The following ADAMTS16 variants were observed in gnomAD, a reference collection of about 807,000 sequenced individuals.
ADAMTS16 encodes the protein ADAM metallopeptidase with thrombospondin type 1 motif 16, also known as A disintegrin and metalloproteinase with thrombospondin motifs 16.
A neutral mutation model predicts 145.8 loss-of-function variants in ADAMTS16; 94 were observed. That is an observed-to-expected ratio of 0.64 (90% CI 0.55 to 0.77). The LOEUF (loss-of-function observed/expected upper bound fraction) is 0.77. ADAMTS16 is among the 30% of genes least tolerant of loss of function. ADAMTS16 has a pLI of 0.00. For missense variants in ADAMTS16, 1,585 were observed against 1,591.5 expected, an observed-to-expected ratio of 1.00 and a Z score of 0.07; for synonymous variants, 659 against 604.3, an observed-to-expected ratio of 1.09 and a Z score of -1.33.
At position 5,310,900 on chromosome 5, in the gene ADAMTS16, T is replaced by G. The variant is rs554789099; in HGVS notation, c.3411+4172T>G. Among the ~76,000 whole-genome samples, 3 of 152,346 alleles carry G rather than the reference T, an allele frequency of 2.0e-5. No homozygotes were observed. In the South Asian group the frequency reaches 6.2e-4, roughly 32 times the overall value. On this transcript the variant is annotated intron_variant, in intron 21 of 22. Coordinates refer to ENST00000274181, the MANE Select transcript of ADAMTS16 (RefSeq NM_139056.4). The surrounding 1 kb of genome is among the most constrained non-coding windows in gnomAD (Gnocchi z 4.3). ...GTTCCTGACCCCAGAGAGGGTCAGCTGCCTGAAGGCAAGTGCCTTCTTTCA... is the reference window on the plus strand; with the variant it reads ...GTTCCTGACCCCAGAGAGGGTCAGCGGCCTGAAGGCAAGTGCCTTCTTTCA...
At chr5:5,264,091 A>G (rs1738138659) in intron 18 of ADAMTS16, among the ~76,000 whole-genome samples, 1 of 152,168 alleles carries the variant, frequency 6.6e-6, no homozygotes, top group African/African-American at 2.4e-5. Context: ...CTTTAGAGGC[A>G]CAGGATGGGG....
At chr5:5,263,164 C>A (rs1738095799) in intron 18 of ADAMTS16, among the ~76,000 whole-genome samples, 1 of 152,180 alleles carries the variant, frequency 6.6e-6, no homozygotes. Context: ...CATCACAAGG[C>A]CTGCCAGTGG....
chr5:5,292,856 T>A (rs1292815978), intron 18 of ADAMTS16, among the ~76,000 whole-genome samples: 1 of 152,234 alleles, frequency 6.6e-6, no homozygotes, highest in Non-Finnish European at 1.5e-5. Context: ...ATTGTTAATG[T>A]CCAGGGAGGC....
intron 8 of ADAMTS16, among the ~76,000 whole-genome samples, chr5:5,195,410 A>G (rs1034269376): frequency 6.6e-6 from 1 of 152,186 alleles, no homozygotes; most frequent in African/African-American, 2.4e-5. Context: ...AAGTCATGTC[A>G]TTTGATGGGT....
chr5:5,299,037 C>T (rs1052143274), intron 18 of ADAMTS16, among the ~76,000 whole-genome samples: 19 of 152,178 alleles, frequency 1.2e-4, no homozygotes, highest in Non-Finnish European at 2.1e-4. Flanking sequence ...ATCCAGCACC[C>T]GCCACTCTGG....
intron 18 of ADAMTS16, among the ~76,000 whole-genome samples, chr5:5,281,999 A>G (rs769473122): frequency 3.3e-5 from 5 of 149,530 alleles, no homozygotes; most frequent in Non-Finnish European, 5.9e-5. Context: ...CATTATGATG[A>G]TGAGTGTGAT....
rs754087133 is a variant in ADAMTS16, at chr5:5,239,768, G to T, written c.2366G>T (p.Arg789Leu). The T allele has an allele frequency of 1.9e-6, 3 of 1,614,058 alleles. No homozygotes were observed. The highest frequency in any genetic ancestry group is 2.5e-6 in the Non-Finnish European group (3 of 1,180,020). Residue 789 changes from arginine to leucine, a missense_variant, in exon 16 of 23, where the codon CGC (arginine) becomes CTC (leucine). By Grantham distance (102) the Arg-to-Leu change is moderately radical (BLOSUM62 -2). Transcript: ENST00000274181. Reference sequence around the variant, plus strand: ...GTCTCTACCTCCTACATTTCTGTGCGCAATGCCCTCAGAAGGTACTACCTG... The same window carrying T: ...GTCTCTACCTCCTACATTTCTGTGCTCAATGCCCTCAGAAGGTACTACCTG... ...MNVSTSYISVRNALRRYYLNG... is the reference protein window; with the variant it reads ...MNVSTSYISVLNALRRYYLNG...
intron 3 of ADAMTS16, among the ~76,000 whole-genome samples, chr5:5,170,015 A>G (rs1307059379): frequency 2.6e-5 from 4 of 152,246 alleles, no homozygotes; most frequent in Non-Finnish European, 5.9e-5. Context: ...GCTATAATAA[A>G]CATGGGAGTG....
At chr5:5,238,323 G>A (rs1737175080) in intron 14 of ADAMTS16, among the ~76,000 whole-genome samples, 1 of 152,148 alleles carries the variant, frequency 6.6e-6, no homozygotes. Context: ...TGAGACTACT[G>A]ATTGGTTTTA....
chr5:5,242,171 G>A lies in ADAMTS16; in HGVS notation c.2642G>A (p.Cys881Tyr), dbSNP rs1405813845. The A allele has an allele frequency of 1.9e-6, 3 of 1,614,026 alleles. No individual in the cohort carries two copies. Among genetic ancestry groups the A allele is most frequent in the Non-Finnish European group, 2.5e-6 (3 of 1,180,014 alleles). The change falls in exon 17 of 23, where the codon TGC (cysteine) becomes TAC (tyrosine). Residue 881 changes from cysteine (C) to tyrosine (Y), a missense_variant. Cys to Tyr is a radical substitution (Grantham distance 194, BLOSUM62 -2). Transcript: ENST00000274181. ...ACTTGGGCCATCGTGCGCTCTGAGT[G>A]CTCCGTGTCCTGCGGAGGGGGTAGG... Reference protein sequence around the residue: ...SYTWAIVRSECSVSCGGGQMT... With the variant: ...SYTWAIVRSEYSVSCGGGQMT...
chr5:5,312,048 C>T (rs896783264), intron 21 of ADAMTS16, among the ~76,000 whole-genome samples: 12 of 152,058 alleles, frequency 7.9e-5, no homozygotes, highest in South Asian at 6.2e-4. Context: ...CCGTAGTGTC[C>T]GAGCCTGTCT....
chr5:5,306,593 AAAG>A lies in ADAMTS16; in HGVS notation c.3280_3282del (p.Lys1094del), dbSNP rs760105801. The stretch of plus-strand genomic sequence containing the variant: ...CTGGAAAGTATCGAGAGCTGGCCTC[AAAG>A]AAGTGCTCACATTTGCCGAAGCCCA... On this transcript the variant is annotated inframe_deletion, in exon 21 of 23. Coordinates refer to ENST00000274181, the MANE Select transcript of ADAMTS16 (RefSeq NM_139056.4). The A allele has an allele frequency of 1.2e-6, 2 of 1,614,214 alleles. No individual in the cohort carries two copies. The highest frequency in any genetic ancestry group is 2.2e-5 in the South Asian group (2 of 91,086).
chr5:5,227,306 G>C lies in ADAMTS16; in HGVS notation c.1701+4422G>C, dbSNP rs376126017. 1.2e-4 allele frequency among the ~76,000 whole-genome samples: 18 copies of C among 152,334 alleles called. No homozygotes were observed. In the South Asian group the frequency reaches 2.5e-3, roughly 21 times the overall value. On this transcript the variant is annotated intron_variant, in intron 11 of 22. Transcript: ENST00000274181. ...TCGCCACAGGCGTAGGGACTGTGTT[G>C]CGGCATCTTACTCTCTAAGATAAAG... is the stretch of plus-strand genomic sequence containing the variant.
chr5:5,166,942 G>A (rs527400620), intron 3 of ADAMTS16, among the ~76,000 whole-genome samples: 1 of 152,270 alleles, frequency 6.6e-6, no homozygotes, highest in East Asian at 1.9e-4. Context: ...CTCACAGCCA[G>A]CTGCTCGCTT....
At chr5:5,259,187 C>T (rs1046294609) in intron 17 of ADAMTS16, among the ~76,000 whole-genome samples, 2 of 152,186 alleles carry the variant, frequency 1.3e-5, no homozygotes, top group Non-Finnish European at 2.9e-5. Flanking sequence ...TTTGGGTTAT[C>T]GTGCACAGCT....
rs565160475 is a variant in ADAMTS16, at chr5:5,232,325, A to G, written c.1702-43A>G. The G allele has an allele frequency of 6.2e-6, 10 of 1,612,976 alleles. No homozygotes were observed. The Admixed American group carries it at 1.7e-4, about 27-fold the overall frequency. ...AGTGATGAGATGAACCCATCTATCC[A>G]TCTGTGTGAGTCAAGTCAACTTATT... On this transcript the variant is annotated intron_variant, in intron 11 of 22. Coordinates refer to ENST00000274181, the MANE Select transcript of ADAMTS16 (RefSeq NM_139056.4).
At chr5:5,168,643 ATTATAT>A (rs1317806184) in intron 3 of ADAMTS16, among the ~76,000 whole-genome samples, 2 of 99,114 alleles carry the variant, frequency 2.0e-5, no homozygotes, top group Non-Finnish European at 4.4e-5. Context: ...AATATATATA[ATTATAT>A]TTATATATTA....
At chr5:5,278,809 A>G (rs1738792071) in intron 18 of ADAMTS16, among the ~76,000 whole-genome samples, 1 of 152,182 alleles carries the variant, frequency 6.6e-6, no homozygotes, top group Admixed American at 6.5e-5. Flanking sequence ...GTTTATTTAT[A>G]GATGTTTATA....
At position 5,239,524 on chromosome 5, in the gene ADAMTS16, G is replaced by A. The variant is rs984512931; in HGVS notation, c.2279-157G>A. 3.3e-5 allele frequency among the ~76,000 whole-genome samples: 5 copies of A among 152,166 alleles called. No homozygotes were observed. In the South Asian group the frequency reaches 8.3e-4, roughly 25 times the overall value. On this transcript the variant is annotated intron_variant, in intron 15 of 22. Coordinates refer to ENST00000274181, the MANE Select transcript of ADAMTS16 (RefSeq NM_139056.4). Reference sequence around the variant, plus strand: ...CTGCTCCAATTGATAAAAAGCAGCCGGGTGTAGTTCTAAGGCAACTGATCA... The same window carrying A: ...CTGCTCCAATTGATAAAAAGCAGCCAGGTGTAGTTCTAAGGCAACTGATCA...
Sources: allele counts gnomAD v4.1 joint callset (sites outside exome capture counted in the v4.1 genomes callset), GRCh38; gene constraint gnomAD v4.1.1; non-coding constraint Gnocchi (gnomAD v3.1); transcripts MANE v1.5; gene names NCBI Gene and HGNC (gene_info 2026-07-23, HGNC 2026-07-21).